Variants in EPHA5 observed in about 807,000 individuals in gnomAD.
EPHA5 encodes the protein EPH receptor A5.
In EPHA5, 60 loss-of-function variants were observed where a neutral mutation model predicts 105.0. That is an observed-to-expected ratio of 0.57 (90% CI 0.46 to 0.71). The LOEUF (loss-of-function observed/expected upper bound fraction) is 0.71, where lower values mean the gene tolerates loss of function less well. Ranked by LOEUF, EPHA5 falls within the 30% of genes least tolerant of loss-of-function variation. The probability of loss-of-function intolerance (pLI) is 0.00; values close to 1 mark genes in which losing one functional copy is unlikely to be tolerated. For synonymous variants in EPHA5, 513 were observed against 449.1 expected (o/e 1.14, Z -1.80); for missense variants, 1,218 against 1,274.7 (o/e 0.96, Z 0.68).
intron 3 of EPHA5, among the ~76,000 whole-genome samples, chr4:65,507,212 T>A (rs551916734): frequency 1.3e-5 from 2 of 152,270 alleles, no homozygotes; most frequent in East Asian, 3.9e-4. Context: ...CTCTGTTCTG[T>A]TCCATTGGTC....
In EPHA5 at chr4:65,319,632, T is replaced by G. The variant is rs1407768129; in HGVS notation, c.*4482A>C. On this transcript the variant is annotated 3_prime_UTR_variant, in exon 17 of 17. Coordinates refer to ENST00000613740, the MANE Select transcript of EPHA5 (RefSeq NM_001281766.3). Reference sequence around the variant, plus strand: ...TTCATATCTTACACTACAAAAAGCATGTACACAAACCAAATGCACATAAAG... The same window carrying G: ...TTCATATCTTACACTACAAAAAGCAGGTACACAAACCAAATGCACATAAAG... The G allele has an allele frequency of 2.3e-5, 5 of 218,940 alleles. No homozygotes were observed. The highest frequency in any genetic ancestry group is 2.8e-3 in the Middle Eastern group (2 of 702). 13.6% of individuals were successfully genotyped at this position (218,940 alleles called of 1,614,324 possible). A position where few individuals can be genotyped will look rare whatever the true frequency, so the allele number is the denominator to read the frequency against.
rs567039417 is a variant in EPHA5, at chr4:65,393,744, A to G, written c.1793+10630T>C. 1.1e-4 allele frequency among the ~76,000 whole-genome samples: 16 copies of G among 152,306 alleles called. No individual in the cohort carries two copies. The South Asian group carries it at 2.9e-3, about 28-fold the overall frequency. On this transcript the variant is annotated intron_variant, in intron 8 of 16. Coordinates refer to ENST00000613740, the MANE Select transcript of EPHA5 (RefSeq NM_001281766.3). ...GGAACTTTTCAGCTGCAAGATCAAT[A>G]ATTTCCTTTTAGATTAAGCCACTCT...
At chr4:65,516,211 A>G (rs1228467500) in intron 3 of EPHA5, among the ~76,000 whole-genome samples, 2 of 152,178 alleles carry the variant, frequency 1.3e-5, no homozygotes, top group Non-Finnish European at 2.9e-5. Flanking sequence ...TCTACTGTTC[A>G]CTGGAAGCCT....
chr4:65,574,699 CATATATATACATAT>C (rs1740679554), intron 3 of EPHA5, among the ~76,000 whole-genome samples: 1 of 77,916 alleles, frequency 1.3e-5, no homozygotes, highest in African/African-American at 4.6e-5. Flanking sequence ...CATATATATA[CATATATATACATAT>C]ATATATACAT....
intron 5 of EPHA5, among the ~76,000 whole-genome samples, chr4:65,432,679 C>T (rs1356525031): frequency 1.3e-5 from 2 of 151,812 alleles, no homozygotes; most frequent in African/African-American, 2.4e-5. Flanking sequence ...GAGATCTTCC[C>T]GCCTCAGTCT....
intron 5 of EPHA5, among the ~76,000 whole-genome samples, chr4:65,430,619 A>C (rs547954905): frequency 6.6e-6 from 1 of 152,076 alleles, no homozygotes; most frequent in Non-Finnish European, 1.5e-5. Context: ...AGGAAGTAGA[A>C]ACTATTATCG....
chr4:65,332,958 A>G (rs1720780671), intron 15 of EPHA5, among the ~76,000 whole-genome samples: 1 of 151,870 alleles, frequency 6.6e-6, no homozygotes, highest in Non-Finnish European at 1.5e-5. Flanking sequence ...TTCTTAATAC[A>G]CCGAGGAGTG....
intron 1 of EPHA5, among the ~76,000 whole-genome samples, chr4:65,660,539 G>C (rs1323185703): frequency 6.6e-6 from 1 of 152,052 alleles, no homozygotes; most frequent in East Asian, 1.9e-4. Context: ...TAACATTTTG[G>C]TGTACCCACT....
intron 14 of EPHA5, among the ~76,000 whole-genome samples, chr4:65,337,964 T>C (rs1721340073): frequency 6.6e-6 from 1 of 151,972 alleles, no homozygotes; most frequent in Non-Finnish European, 1.5e-5. Flanking sequence ...TTAATTTACC[T>C]CAAAAACAAT....
Position 65,669,280 on chromosome 4 carries a change from AC to A in EPHA5, c.181+281del, listed in dbSNP as rs566303416. Among the ~76,000 whole-genome samples, 121 of 150,650 alleles carry A rather than the reference AC, an allele frequency of 8.0e-4. 1 individual carries two copies. Among genetic ancestry groups the A allele is most frequent in the African/African-American group, 3.0e-3 (121 of 40,986 alleles). On this transcript the variant is annotated intron_variant, in intron 1 of 16. Transcript: ENST00000613740. ...CCTCCATTCCCCAAAGGAGGCCTCG[AC>A]CTCCTTTCCCCCAAGGTTTTCCACC...
At chr4:65,376,890 C>A (rs1443207301) in intron 8 of EPHA5, 2 of 936,300 alleles carry the variant, frequency 2.1e-6, no homozygotes, top group Non-Finnish European at 1.5e-6. Context: ...CTTGGGGAGC[C>A]AGTTTTATTC....
chr4:65,386,967 T>G (rs554884159), intron 8 of EPHA5, among the ~76,000 whole-genome samples: 1 of 151,114 alleles, frequency 6.6e-6, no homozygotes, highest in Non-Finnish European at 1.5e-5. Context: ...AAAAAAAGGC[T>G]GAAACTTATA....
At chr4:65,445,543 T>G (rs1304233226) in intron 5 of EPHA5, among the ~76,000 whole-genome samples, 2 of 152,064 alleles carry the variant, frequency 1.3e-5, no homozygotes, top group Admixed American at 1.3e-4. Flanking sequence ...TAAAGAAAAT[T>G]TATCATCAAG....
At chr4:65,397,253 A>T (rs528005924) in intron 8 of EPHA5, among the ~76,000 whole-genome samples, 35 of 152,292 alleles carry the variant, frequency 2.3e-4, no homozygotes, top group Non-Finnish European at 4.3e-4. Flanking sequence ...CCTCCTGGAC[A>T]CTGGAGCTGG....
intron 5 of EPHA5, among the ~76,000 whole-genome samples, chr4:65,432,241 G>C (rs2149065683): frequency 6.6e-6 from 1 of 152,258 alleles, no homozygotes; most frequent in Admixed American, 6.5e-5. Flanking sequence ...TTGCTAAGGA[G>C]TACAATAAAT....
At chr4:65,558,942 T>C (rs974880279) in intron 3 of EPHA5, among the ~76,000 whole-genome samples, 1 of 152,102 alleles carries the variant, frequency 6.6e-6, no homozygotes, top group Admixed American at 6.6e-5. Context: ...TTTAAAACAG[T>C]AATAGTGAGC....
At chr4:65,506,017 C>A (rs1732981265) in intron 3 of EPHA5, among the ~76,000 whole-genome samples, 1 of 152,074 alleles carries the variant, frequency 6.6e-6, no homozygotes, top group African/African-American at 2.4e-5. Context: ...CACCCCATAA[C>A]AGGCCCCAGT....
At chr4:65,483,768 T>A (rs78685498) in intron 5 of EPHA5, among the ~76,000 whole-genome samples, 1 of 152,246 alleles carries the variant, frequency 6.6e-6, no homozygotes, top group Non-Finnish European at 1.5e-5. Flanking sequence ...CTTTGGTGTG[T>A]ATTTGGAAGA....
At chr4:65,492,727 G>A (rs937999397) in intron 4 of EPHA5, among the ~76,000 whole-genome samples, 4 of 151,940 alleles carry the variant, frequency 2.6e-5, no homozygotes, top group Admixed American at 6.6e-5. Flanking sequence ...CTTTACTATC[G>A]TAAACAGTGC....
Sources: gnomAD v4.1 joint callset for allele counts (sites outside exome capture counted in the v4.1 genomes callset) on GRCh38, gnomAD v4.1.1 for gene constraint, MANE v1.5 for transcripts, NCBI Gene and HGNC (gene_info 2026-07-23, HGNC 2026-07-21) for gene names.